Variants in JCAD observed in about 807,000 individuals in gnomAD.
The protein encoded by JCAD is junctional cadherin 5 associated.
JCAD carries 40 observed loss-of-function variants against 98.0 expected under a neutral mutation model. That is an observed-to-expected ratio of 0.41 (90% CI 0.32 to 0.53). The LOEUF is 0.53. Among genes scored for constraint, JCAD ranks in the 20% least tolerant of loss-of-function variants. The pLI is 0.31. For missense variants in JCAD, 1,705 were observed against 1,738.1 expected (o/e 0.98, Z 0.34); for synonymous variants, 691 against 682.3 (o/e 1.01, Z -0.20).
chr10:30,082,832 C>A (rs1412100448), intron 1 of JCAD, among the ~76,000 whole-genome samples: 2 of 94,764 alleles, frequency 2.1e-5, no homozygotes, highest in Admixed American at 1.7e-4. Flanking sequence ...GCCTGGGCAA[C>A]AAGAGTGAAA....
At position 30,018,367 on chromosome 10, in the gene JCAD, G is replaced by A. The variant is rs75063571; in HGVS notation, c.4046-450C>T. ...AGAATACGCATCTTTGTGATCAAACGCTGTCCCTTGAAGGCGTGAGGATCC... is the reference window on the plus strand; with the variant it reads ...AGAATACGCATCTTTGTGATCAAACACTGTCCCTTGAAGGCGTGAGGATCC... On this transcript the variant is annotated intron_variant, in intron 3 of 3. Coordinates refer to ENST00000375377, the MANE Select transcript of JCAD (RefSeq NM_020848.4). 3.4e-3 allele frequency among the ~76,000 whole-genome samples: 504 copies of A among 149,022 alleles called. 5 individuals are homozygous for A. The highest frequency in any genetic ancestry group is 0.011 in the African/African-American group (460 of 40,100).
intron 1 of JCAD, among the ~76,000 whole-genome samples, chr10:30,094,657 A>G (rs761886771): frequency 2.2e-4 from 33 of 152,170 alleles, no homozygotes; most frequent in Non-Finnish European, 4.1e-4. Flanking sequence ...AGGAGACTGC[A>G]TGGCAGCCTT....
intron 2 of JCAD, among the ~76,000 whole-genome samples, chr10:30,036,747 C>T (rs770109984): frequency 9.8e-5 from 15 of 152,362 alleles, no homozygotes; most frequent in East Asian, 1.9e-4. Context: ...CTGGTCCTCC[C>T]GTGGGGGCCC....
chr10:30,029,762 C>A lies in JCAD; in HGVS notation c.386G>T (p.Arg129Met), dbSNP rs531030595. 6.2e-7 allele frequency: 1 copy of A among 1,614,248 alleles called. No homozygotes were observed. The highest frequency in any genetic ancestry group is 2.2e-5 in the East Asian group (1 of 44,884). ...GRQEARSQKP[R>M]EHENLEARGM... ...TCTGGCCTCCAGGTTTTCGTGCTCC[C>A]TCGGCTTCTGGCTCCTGGCTTCTTG... Residue 129 changes from arginine (R) to methionine (M), a missense_variant, in exon 3 of 4, where the codon AGG (arginine) becomes ATG (methionine). Arg to Met is a moderately conservative substitution (Grantham distance 91, BLOSUM62 -1). This residue lies in a region of JCAD where 275 missense variants were observed against 346.9 expected (regional missense o/e 0.79). Transcript: ENST00000375377.
chr10:30,040,953 G>A (rs999018130), intron 2 of JCAD, among the ~76,000 whole-genome samples: 2 of 152,032 alleles, frequency 1.3e-5, no homozygotes, highest in Non-Finnish European at 1.5e-5. Flanking sequence ...AATTCCACAC[G>A]AACAACTCTC....
intron 2 of JCAD, among the ~76,000 whole-genome samples, chr10:30,040,573 G>T (rs982754635): frequency 6.6e-6 from 1 of 152,096 alleles, no homozygotes; most frequent in African/African-American, 2.4e-5. Flanking sequence ...GAGTATTCGC[G>T]GTGCCTCCGA....
At chr10:30,041,442 T>C (rs1051363914) in intron 2 of JCAD, among the ~76,000 whole-genome samples, 10 of 152,254 alleles carry the variant, frequency 6.6e-5, no homozygotes, top group African/African-American at 2.4e-4. Context: ...AAGCATTCTC[T>C]GTTTTTGGAA....
chr10:30,032,075 A>T lies in JCAD; in HGVS notation c.282-2209T>A, dbSNP rs573793794. Among the ~76,000 whole-genome samples, 308 of 152,194 alleles carry T rather than the reference A, an allele frequency of 2.0e-3. 2 individuals carry two copies. Among genetic ancestry groups the T allele is most frequent in the African/African-American group, 7.1e-3 (296 of 41,502 alleles). ...GGCTCCATCTGTATTTTTAACAAGCATTTCAGAGGATTCTTATCCTCAATT... is the reference window on the plus strand; with the variant it reads ...GGCTCCATCTGTATTTTTAACAAGCTTTTCAGAGGATTCTTATCCTCAATT... On this transcript the variant is annotated intron_variant, in intron 2 of 3. Coordinates refer to ENST00000375377, the MANE Select transcript of JCAD (RefSeq NM_020848.4).
chr10:30,092,121 TATATAA>T lies in JCAD; in HGVS notation n.129-22306_129-22301del, dbSNP rs1463305564. Reference sequence around the variant, plus strand: ...CTTTATATATATATATATATATATATATATAAAAAACATTTTAACTCTTTGCAAGAA... The same window carrying T: ...CTTTATATATATATATATATATATATAAAACATTTTAACTCTTTGCAAGAA... On this transcript the variant is annotated intron_variant and non_coding_transcript_variant, in intron 1 of 2. Coordinates refer to the JCAD transcript ENST00000465712. Among the ~76,000 whole-genome samples, 502 of 112,546 alleles carry T rather than the reference TATATAA, an allele frequency of 4.5e-3. 33 individuals are homozygous for T. The highest frequency in any genetic ancestry group is 5.5e-3 in the African/African-American group (135 of 24,326). 73.8% of individuals were successfully genotyped at this position (112,546 alleles called of 152,430 possible).
intron 2 of JCAD, among the ~76,000 whole-genome samples, chr10:30,040,221 C>T (rs1837213777): frequency 6.6e-6 from 1 of 152,178 alleles, no homozygotes; most frequent in Admixed American, 6.5e-5. Context: ...GACGCTGCTC[C>T]TCCTGGGGAT....
At chr10:30,112,107 C>T (rs994908674) in intron 1 of JCAD, among the ~76,000 whole-genome samples, 2 of 152,132 alleles carry the variant, frequency 1.3e-5, no homozygotes, top group African/African-American at 4.8e-5. Context: ...GATATATACA[C>T]ACAATGGACT....
At chr10:30,097,393 G>C (rs1158775681) in intron 1 of JCAD, among the ~76,000 whole-genome samples, 1 of 152,070 alleles carries the variant, frequency 6.6e-6, no homozygotes, top group African/African-American at 2.4e-5. Context: ...AAAGCTCAAA[G>C]GAAGCCAATT....
At chr10:30,038,407 G>A (rs993660558) in intron 2 of JCAD, among the ~76,000 whole-genome samples, 9 of 152,084 alleles carry the variant, frequency 5.9e-5, no homozygotes, top group African/African-American at 1.7e-4. Context: ...AGAGAGAGCC[G>A]GCACGGAGGT....
At chr10:30,057,002 T>A (rs1005916794) in intron 1 of JCAD, among the ~76,000 whole-genome samples, 1 of 152,090 alleles carries the variant, frequency 6.6e-6, no homozygotes, top group African/African-American at 2.4e-5. Context: ...AGATAACCCT[T>A]CTCATCCAAA....
intron 1 of JCAD, among the ~76,000 whole-genome samples, chr10:30,102,089 C>T (rs377190199): frequency 4.2e-4 from 64 of 152,144 alleles, no homozygotes; most frequent in Non-Finnish European, 2.1e-4. Flanking sequence ...TGGCTCTAGA[C>T]GACAGAATCC....
chr10:30,090,923 A>G (rs1838251603), intron 1 of JCAD, among the ~76,000 whole-genome samples: 1 of 152,180 alleles, frequency 6.6e-6, no homozygotes, highest in Non-Finnish European at 1.5e-5. Flanking sequence ...AGCCTTGGAA[A>G]ACAACAGGGT....
chr10:30,062,423 A>G (rs1368272833), upstream of JCAD, among the ~76,000 whole-genome samples: 1 of 152,198 alleles, frequency 6.6e-6, no homozygotes, highest in Non-Finnish European at 1.5e-5. Flanking sequence ...GAATGAAAAG[A>G]TGGAGAGAGA....
In JCAD at chr10:30,029,167, C is replaced by G. The variant is rs188380378; in HGVS notation, c.981G>C (p.Glu327Asp). The G allele has an allele frequency of 2.9e-5, 47 of 1,614,186 alleles. No homozygotes were observed. In the Admixed American group the frequency reaches 7.8e-4, roughly 27 times the overall value. The change falls in exon 3 of 4, where the codon GAG becomes GAC. Residue 327 changes from glutamate (E) to aspartate (D), a missense_variant. This residue lies in a region of JCAD where 275 missense variants were observed against 346.9 expected (regional missense o/e 0.79). Transcript: ENST00000375377. ...QQMDAYVPRH[E>D]LCLSDPGLEP... ...CCAATCCAGGGTCTGACAGGCAGAG[C>G]TCATGCCTGGGGACATAGGCGTCCA...
At chr10:30,112,085 T>C (rs777320449) in intron 1 of JCAD, among the ~76,000 whole-genome samples, 7 of 152,116 alleles carry the variant, frequency 4.6e-5, no homozygotes, top group Admixed American at 1.3e-4. Flanking sequence ...TGATAAAGCA[T>C]AAACAAAATG....
Sources: allele counts gnomAD v4.1 joint callset (sites outside exome capture counted in the v4.1 genomes callset), GRCh38; gene constraint gnomAD v4.1.1; regional missense constraint gnomAD v4.1.1; transcripts MANE v1.5; gene names NCBI Gene and HGNC (gene_info 2026-07-23, HGNC 2026-07-21).